The following ATP1A3 variants were observed in gnomAD, a reference collection of about 807,000 sequenced individuals.
ATP1A3 encodes sodium/potassium-transporting ATPase subunit alpha-3.
In ATP1A3, 12 loss-of-function variants were observed where a neutral mutation model predicts 108.8. The observed-to-expected ratio is 0.11, with a 90% CI of 0.07 to 0.18. ATP1A3 has a LOEUF of 0.18. Among genes scored for constraint, ATP1A3 ranks in the 10% least tolerant of loss-of-function variants. The pLI, the probability that ATP1A3 is intolerant of heterozygous loss-of-function variation, is 1.00. For synonymous variants in ATP1A3, 539 were observed against 564.5 expected, an observed-to-expected ratio of 0.95 and a Z score of 0.64; for missense variants, 498 against 1,387.7, an observed-to-expected ratio of 0.36 and a Z score of 10.19.
Position 41,967,452 on chromosome 19 carries a change from A to G in ATP1A3, c.2922-112T>C. 13 of 1,330,144 alleles carry G rather than the reference A, an allele frequency of 9.8e-6. No individual in the cohort carries two copies. Among genetic ancestry groups the G allele is most frequent in the Non-Finnish European group, 1.3e-5 (13 of 965,110 alleles). 82.4% of individuals were successfully genotyped at this position (1,330,144 alleles called of 1,614,324 possible). ...GTCTCCCAGGATCCTTCGTGCTCAC[A>G]GGTGGAGGGTGCCCTGGGCGGGGCT... On this transcript the variant is annotated intron_variant, in intron 21 of 22. Transcript: ENST00000648268. The surrounding 1 kb of genome is among the most constrained non-coding windows in gnomAD (Gnocchi z 4.2).
chr19:41,987,333 C>A (rs781963868), intron 4 of ATP1A3, among the ~76,000 whole-genome samples: 2 of 151,856 alleles, frequency 1.3e-5, no homozygotes, highest in African/African-American at 2.4e-5. Flanking sequence ...TGTGTGTGTG[C>A]GTGTCAGTGT....
intron 18 of ATP1A3, 143 bp downstream of exon 18, chr19:41,970,042 C>T (rs368727667): frequency 8.7e-6 from 12 of 1,377,340 alleles, no homozygotes; most frequent in Admixed American, 7.1e-5. Context: ...GGTGCAGACC[C>T]CCCCCACAGA....
At position 41,985,218 on chromosome 19, in the gene ATP1A3, G is replaced by A. The variant is rs201351299; in HGVS notation, c.725-32C>T. 2.5e-6 allele frequency: 4 copies of A among 1,613,824 alleles called. No individual in the cohort carries two copies. The highest frequency in any genetic ancestry group is 2.2e-5 in the East Asian group (1 of 44,894). ...GCCAGAGGGGTTAGGCTGAGGTGGGGTGGCTCAGGGAGGTTCTGGAGGCCT... is the reference window on the plus strand; with the variant it reads ...GCCAGAGGGGTTAGGCTGAGGTGGGATGGCTCAGGGAGGTTCTGGAGGCCT... On this transcript the variant is annotated intron_variant, in intron 7 of 22. Coordinates refer to ENST00000648268, the MANE Select transcript of ATP1A3 (RefSeq NM_152296.5). The surrounding 1 kb of genome is among the most constrained non-coding windows in gnomAD (Gnocchi z 8.2).
In ATP1A3 at chr19:41,968,942, G is replaced by A; in HGVS notation, c.2689-27C>T. On this transcript the variant is annotated intron_variant, in intron 19 of 22. Transcript: ENST00000648268. The surrounding 1 kb of genome is among the most constrained non-coding windows in gnomAD (Gnocchi z 5.0). ...TGCAGGAGCGGTGACCAGGGCACGG[G>A]ACGTCAGTTAGTGGCACTGCAGCCC... 1 of 1,613,374 alleles carries A rather than the reference G, an allele frequency of 6.2e-7. No individual in the cohort carries two copies. Among genetic ancestry groups the A allele is most frequent in the Non-Finnish European group, 8.5e-7 (1 of 1,179,550 alleles).
In ATP1A3 at chr19:41,968,231, G is replaced by A. The variant is rs2075065990; in HGVS notation, c.2820-468C>T. On this transcript the variant is annotated intron_variant, in intron 20 of 22. Coordinates refer to ENST00000648268, the MANE Select transcript of ATP1A3 (RefSeq NM_152296.5). This position sits in a 1 kb window ranked among gnomAD's most constrained non-coding sequence, Gnocchi z 5.0. ...TCAGTGCAGTGGCAAAACCCAAAAT[G>A]GGCTGGGCATGGTGGCTCACACCTG... is the stretch of plus-strand genomic sequence containing the variant. Among the ~76,000 whole-genome samples the A allele has an allele frequency of 1.3e-5, 2 of 152,126 alleles. No homozygotes were observed. The highest frequency in any genetic ancestry group is 2.9e-5 in the Non-Finnish European group (2 of 68,020).
At position 41,967,378 on chromosome 19, in the gene ATP1A3, C is replaced by T. The variant is rs1238820490; in HGVS notation, c.2922-38G>A. 4.4e-6 allele frequency: 7 copies of T among 1,591,504 alleles called. No homozygotes were observed. The highest frequency in any genetic ancestry group is 6.0e-6 in the Non-Finnish European group (7 of 1,171,906). ...GAGCAGGAGGGCTTGAGTGCGGGGC[C>T]CTAACGAGAGGCAGAGTTTCAGGGG... On this transcript the variant is annotated intron_variant, in intron 21 of 22. Coordinates refer to ENST00000648268, the MANE Select transcript of ATP1A3 (RefSeq NM_152296.5). The surrounding 1 kb of genome is among the most constrained non-coding windows in gnomAD (Gnocchi z 4.2).
intron 8 of ATP1A3, 84 bp downstream of exon 8, chr19:41,984,834 C>A (rs2075270969): frequency 6.8e-7 from 1 of 1,478,758 alleles, no homozygotes. Context: ...ACTCAGGGGT[C>A]CAGGATCCCA....
Position 41,975,406 on chromosome 19 carries a change from T to C in ATP1A3, c.2263+223A>G, listed in dbSNP as rs144265866. On this transcript the variant is annotated intron_variant, in intron 16 of 22. Coordinates refer to ENST00000648268, the MANE Select transcript of ATP1A3 (RefSeq NM_152296.5). ...TTCACCCACCAGATGGGGCCTGGGC[T>C]GGATGACGCAGGGACCCTGAAGTGT... Among the ~76,000 whole-genome samples the C allele has an allele frequency of 1.9e-3, 286 of 152,296 alleles. 1 individual carries two copies. Among genetic ancestry groups the C allele is most frequent in the Admixed American group, 3.5e-3 (53 of 15,302 alleles).
chr19:41,993,927 T>G, intron 1 of ATP1A3, 144 bp downstream of exon 1: 1 of 1,462,612 alleles, frequency 6.8e-7, no homozygotes, highest in Non-Finnish European at 9.3e-7. Flanking sequence ...ACCACATGGA[T>G]TGGCTGGGTC....
At position 41,975,616 on chromosome 19, in the gene ATP1A3, C is replaced by T; in HGVS notation, c.2263+13G>A. 6.2e-7 allele frequency: 1 copy of T among 1,613,910 alleles called. No homozygotes were observed. The highest frequency in any genetic ancestry group is 8.5e-7 in the Non-Finnish European group (1 of 1,179,956). On this transcript the variant is annotated intron_variant, in intron 16 of 22. Transcript: ENST00000648268. ...GTGACCCTGGTCTCCAGGGCCACCC[C>T]TGGCCAACTCACCCTCCTCCACCCC...
At chr19:41,989,753 G>A (rs1189539542) in intron 1 of ATP1A3, among the ~76,000 whole-genome samples, 5 of 151,740 alleles carry the variant, frequency 3.3e-5, no homozygotes, top group African/African-American at 9.7e-5. Flanking sequence ...TCTGTCTCCT[G>A]TCTCTTTATC....
chr19:41,977,941 G>A lies in ATP1A3; in HGVS notation c.1938C>T (p.Asn646=), dbSNP rs1555861940. ...GGCTGGGATGGGTGGCTCACCGGGG[G>A]TTAACCTGGCTGACGGGAATGTTGA... ...ARLNIPVSQV[N]PRDAKACVIH... is the part of the protein sequence containing the mutation. The change falls in exon 14 of 23, where the codon AAC becomes AAT. Residue 646 remains asparagine (N), a synonymous_variant. Coordinates refer to ENST00000648268, the MANE Select transcript of ATP1A3 (RefSeq NM_152296.5). The A allele has an allele frequency of 2.5e-6, 4 of 1,614,194 alleles. No homozygotes were observed. The highest frequency in any genetic ancestry group is 3.4e-6 in the Non-Finnish European group (4 of 1,180,024).
In ATP1A3 at chr19:41,976,535, C is replaced by A. The variant is rs375193034; in HGVS notation, c.1975G>T (p.Asp659Tyr). 6.2e-7 allele frequency: 1 copy of A among 1,614,058 alleles called. No individual in the cohort carries two copies. Among genetic ancestry groups the A allele is most frequent in the Non-Finnish European group, 8.5e-7 (1 of 1,180,016 alleles). The part of the protein sequence containing the change: ...DAKACVIHGT[D>Y]LKDFTSEQID... Reference sequence around the variant, plus strand: ...TGCTCGGAGGTGAAGTCCTTGAGGTCGGTGCCGTGGATCACGCAGGCCTTG... The same window carrying A: ...TGCTCGGAGGTGAAGTCCTTGAGGTAGGTGCCGTGGATCACGCAGGCCTTG... The change falls in exon 15 of 23, where the codon GAC becomes TAC. Residue 659 changes from aspartate (D) to tyrosine (Y), a missense_variant. Around this residue, in one of 9 missense-constraint regions of ATP1A3, gnomAD observed 20 missense variants for 17.8 expected, o/e 1.12. Transcript: ENST00000648268.
rs1555860248 is a variant in ATP1A3 at position 41,972,871 on chromosome 19, A to AAAGAAGGAAGGCAGGC, written c.2264-2330_2264-2329insGCCTGCCTTCCTTCTT. On this transcript the variant is annotated intron_variant, in intron 16 of 22. Coordinates refer to ENST00000648268, the MANE Select transcript of ATP1A3 (RefSeq NM_152296.5). ...GAAGGAAGGAAGGAAAGAAGGAAGG[A>AAAGAAGGAAGGCAGGC]AGGCAGGCAGGCAGGGACGGAGGGA... Among the ~76,000 whole-genome samples, 341 of 133,224 alleles carry AAAGAAGGAAGGCAGGC rather than the reference A, an allele frequency of 2.6e-3. 2 individuals are homozygous for AAAGAAGGAAGGCAGGC. The highest frequency in any genetic ancestry group is 9.1e-3 in the African/African-American group (310 of 33,914). The allele number at this position is 133,224 out of a possible 152,430, so 87.4% of individuals were successfully genotyped here. A position where few individuals can be genotyped will look rare whatever the true frequency, so the allele number is the denominator to read the frequency against.
intron 1 of ATP1A3, among the ~76,000 whole-genome samples, chr19:41,989,948 C>T (rs1555866769): frequency 1.3e-5 from 2 of 152,134 alleles, no homozygotes; most frequent in Admixed American, 6.5e-5. Flanking sequence ...TTCTTTGTCT[C>T]TCTGCCTTGC....
intron 15 of ATP1A3, among the ~76,000 whole-genome samples, 164 bp downstream of exon 15, chr19:41,976,252 C>T (rs1290693144): frequency 2.1e-5 from 3 of 146,336 alleles, no homozygotes; most frequent in Non-Finnish European, 4.5e-5. Context: ...CCAGCCCCCT[C>T]CTCCCTCAGA....
intron 18 of ATP1A3, 109 bp from the exon 19 acceptor site, chr19:41,969,689 C>CT: frequency 6.9e-7 from 1 of 1,445,484 alleles, no homozygotes; most frequent in South Asian, 1.1e-5. Context: ...AGTATGCCCT[C>CT]CTGGCCCTGT....
rs1183586801 is a variant in ATP1A3 at position 41,981,109 on chromosome 19, G to A, written c.1437+393C>T. ...CCTCCCCGGCTCAGGCAATCCTCCT[G>A]CCTCAGACTCCCAAATCGCTGAGAC... On this transcript the variant is annotated intron_variant, in intron 11 of 22. Transcript: ENST00000648268. This position sits in a 1 kb window ranked among gnomAD's most constrained non-coding sequence, Gnocchi z 5.0. Among the ~76,000 whole-genome samples the A allele has an allele frequency of 6.6e-6, 1 of 150,386 alleles. No individual in the cohort carries two copies. The highest frequency in any genetic ancestry group is 6.7e-5 in the Admixed American group (1 of 15,010).
chr19:41,971,090 T>C (rs1402147240), intron 16 of ATP1A3, among the ~76,000 whole-genome samples: 2 of 151,908 alleles, frequency 1.3e-5, no homozygotes, highest in African/African-American at 4.8e-5. Flanking sequence ...CAGCCTCCCA[T>C]GTAGCTGAGA....
Sources: allele counts gnomAD v4.1 joint callset (sites outside exome capture counted in the v4.1 genomes callset), GRCh38; gene constraint gnomAD v4.1.1; regional missense constraint gnomAD v4.1.1; non-coding constraint Gnocchi (gnomAD v3.1); transcripts MANE v1.5; gene names NCBI Gene and HGNC (gene_info 2026-07-23, HGNC 2026-07-21).